Variants in STON2 observed in about 807,000 individuals in gnomAD.
STON2 encodes stonin-2.
A neutral mutation model predicts 65.7 loss-of-function variants in STON2; 29 were observed. That is an observed-to-expected ratio of 0.44 (90% CI 0.33 to 0.60). STON2 has a LOEUF of 0.60. Among genes scored for constraint, STON2 ranks in the 20% least tolerant of loss-of-function variants. The pLI is 0.03. For missense variants in STON2, 1,054 were observed against 1,118.1 expected, an observed-to-expected ratio of 0.94 and a Z score of 0.82; for synonymous variants, 404 against 414.2, an observed-to-expected ratio of 0.98 and a Z score of 0.30.
chr14:81,338,692 G>A (rs1897471903), intron 4 of STON2, among the ~76,000 whole-genome samples: 1 of 152,206 alleles, frequency 6.6e-6, no homozygotes, highest in Non-Finnish European at 1.5e-5. Context: ...CTGACACTAT[G>A]TCCAGGTAGA....
intron 4 of STON2, among the ~76,000 whole-genome samples, chr14:81,342,770 G>T (rs192341820): frequency 2.1e-5 from 3 of 145,426 alleles, no homozygotes; most frequent in Admixed American, 6.7e-5. Context: ...GGTCTAGAAG[G>T]GGGGGCATGG....
intron 4 of STON2, among the ~76,000 whole-genome samples, chr14:81,337,637 G>A (rs934283171): frequency 6.6e-6 from 1 of 152,084 alleles, no homozygotes; most frequent in Admixed American, 6.6e-5. Context: ...CTTGAAGAAC[G>A]ACCTTCCAGA....
intron 3 of STON2, among the ~76,000 whole-genome samples, chr14:81,371,456 G>C (rs1055794490): frequency 6.6e-6 from 1 of 152,002 alleles, no homozygotes; most frequent in African/African-American, 2.4e-5. Context: ...AGCACTTTGG[G>C]AGGCTGAGGT....
Position 81,396,107 on chromosome 14 carries a change from G to T in STON2, c.160C>A (p.His54Asn), listed in dbSNP as rs1332777794. ...TCTTGAGAGCCTCCATCCACCACAT[G>T]GTTCTCCCCGGAGGAGCTCTCGGAC... is the stretch of plus-strand genomic sequence containing the variant. ...DQSESSSGEN[H>N]VVDGGSQDHS... The change falls in exon 3 of 8, where the codon CAT becomes AAT. Residue 54 changes from histidine (H) to asparagine (N), a missense_variant. By Grantham distance (68) the His-to-Asn change is moderately conservative. Transcript: ENST00000614646. The T allele has an allele frequency of 6.2e-7, 1 of 1,614,012 alleles. No individual in the cohort carries two copies. The highest frequency in any genetic ancestry group is 1.3e-5 in the African/African-American group (1 of 74,920).
At position 81,262,494 on chromosome 14, in the gene STON2, G is replaced by A; in HGVS notation, c.*5920C>T. Reference sequence around the variant, plus strand: ...TTTTAACTTTAAGAGATGGCTTCTAGTTCAAGTATTTTGAGGCTTGGTACC... The same window carrying A: ...TTTTAACTTTAAGAGATGGCTTCTAATTCAAGTATTTTGAGGCTTGGTACC... On this transcript the variant is annotated 3_prime_UTR_variant, in exon 8 of 8. Coordinates refer to ENST00000614646, the MANE Select transcript of STON2 (RefSeq NM_001394390.1). 1.0e-6 allele frequency: 1 copy of A among 985,228 alleles called. No homozygotes were observed. Among genetic ancestry groups the A allele is most frequent in the Non-Finnish European group, 1.2e-6 (1 of 829,768 alleles). The allele number at this position is 985,228 out of a possible 1,614,324, so 61.0% of individuals were successfully genotyped here.
chr14:81,420,445 CA>C (rs978656854), intron 2 of STON2, among the ~76,000 whole-genome samples: 93 of 152,296 alleles, frequency 6.1e-4, no homozygotes, highest in African/African-American at 2.2e-3. Context: ...ATTCAATAAG[CA>C]TTCAGCATCT....
At chr14:81,311,039 T>G (rs1301756192) in intron 5 of STON2, among the ~76,000 whole-genome samples, 1 of 152,160 alleles carries the variant, frequency 6.6e-6, no homozygotes, top group African/African-American at 2.4e-5. Context: ...ACAGGGTAGG[T>G]TTGAGCTAGG....
intron 2 of STON2, among the ~76,000 whole-genome samples, chr14:81,423,121 A>G (rs1021213907): frequency 5.3e-5 from 8 of 152,126 alleles, no homozygotes; most frequent in African/African-American, 1.9e-4. Flanking sequence ...ATGACCTTCT[A>G]TAGGTATACC....
Position 81,267,256 on chromosome 14 carries a change from G to A in STON2, c.*1158C>T. 2 of 985,264 alleles carry A rather than the reference G, an allele frequency of 2.0e-6. No individual in the cohort carries two copies. The highest frequency in any genetic ancestry group is 1.2e-6 in the Non-Finnish European group (1 of 829,894). The allele number at this position is 985,264 out of a possible 1,614,324, so 61.0% of individuals were successfully genotyped here. ...AGATGGAGTGAGCGTTCTGACTCTT[G>A]GAATCAGAATATAATGTTCCCAACA... On this transcript the variant is annotated 3_prime_UTR_variant, in exon 8 of 8. Transcript: ENST00000614646.
intron 3 of STON2, among the ~76,000 whole-genome samples, chr14:81,384,043 A>G (rs956322295): frequency 2.0e-5 from 3 of 151,850 alleles, no homozygotes; most frequent in African/African-American, 7.3e-5. Flanking sequence ...TTCCTTCCAC[A>G]TGGAAGACTC....
intron 4 of STON2, among the ~76,000 whole-genome samples, chr14:81,345,564 C>G (rs1897779676): frequency 6.6e-6 from 1 of 152,118 alleles, no homozygotes; most frequent in Non-Finnish European, 1.5e-5. Context: ...GAGTTCGAGA[C>G]CAGCCTGGGT....
chr14:81,308,494 G>A (rs1479366576), intron 5 of STON2, among the ~76,000 whole-genome samples: 2 of 151,992 alleles, frequency 1.3e-5, no homozygotes, highest in African/African-American at 2.4e-5. Flanking sequence ...ATGAGCCACC[G>A]TGCCCAGCCT....
chr14:81,415,779 T>A (rs1901404234), intron 2 of STON2, among the ~76,000 whole-genome samples: 1 of 152,146 alleles, frequency 6.6e-6, no homozygotes, highest in South Asian at 2.1e-4. Flanking sequence ...CTTAAGGTTT[T>A]AATTTGGTCC....
intron 5 of STON2, among the ~76,000 whole-genome samples, chr14:81,322,091 C>T (rs1595350539): frequency 6.6e-6 from 1 of 152,100 alleles, no homozygotes; most frequent in East Asian, 1.9e-4. Context: ...GTTTGCTGGC[C>T]CTGGGTCTCT....
At position 81,278,588 on chromosome 14, in the gene STON2, G is replaced by C; in HGVS notation, c.894C>G (p.Ser298Arg). ...SWVTFDDNEV[S>R]CPLPPVTSPL... ...GAGAGGTGACTGGTGGTAAAGGGCA[G>C]CTGACTTCATTGTCATCAAAGGTGA... Residue 298 changes from serine to arginine, a missense_variant, in exon 6 of 8, where the codon AGC (serine) becomes AGG (arginine). Ser to Arg is a moderately radical substitution (Grantham distance 110). Transcript: ENST00000614646. The C allele has an allele frequency of 6.2e-7, 1 of 1,604,548 alleles. No homozygotes were observed.
intron 3 of STON2, among the ~76,000 whole-genome samples, chr14:81,389,316 C>T (rs142894304): frequency 0.014 from 2,170 of 152,278 alleles, 21 homozygotes; most frequent in Non-Finnish European, 0.023. Context: ...CCTACATACT[C>T]CAAACTTCAC....
chr14:81,415,788 C>T (rs1427051842), intron 2 of STON2, among the ~76,000 whole-genome samples: 2 of 151,874 alleles, frequency 1.3e-5, no homozygotes, highest in African/African-American at 4.8e-5. Context: ...TTAATTTGGT[C>T]CAATCAGAGA....
intron 7 of STON2, chr14:81,269,490 AG>A: frequency 1.0e-6 from 1 of 985,458 alleles, no homozygotes; most frequent in Non-Finnish European, 1.2e-6. Flanking sequence ...CTTTGAGCTC[AG>A]GGTTCAGGTT....
intron 5 of STON2, among the ~76,000 whole-genome samples, chr14:81,297,044 G>A (rs1895789360): frequency 6.6e-6 from 1 of 152,160 alleles, no homozygotes; most frequent in South Asian, 2.1e-4. Context: ...ACCCTACAGG[G>A]CCCTTGGGGA....
Sources: allele counts gnomAD v4.1 joint callset (sites outside exome capture counted in the v4.1 genomes callset), GRCh38; gene constraint gnomAD v4.1.1; transcripts MANE v1.5; gene names NCBI Gene and HGNC (gene_info 2026-07-23, HGNC 2026-07-21).